The following TACC3 variants were observed in gnomAD, a reference collection of about 807,000 sequenced individuals.
The protein encoded by TACC3 is transforming acidic coiled-coil-containing protein 3.
In TACC3, 52 loss-of-function variants were observed where a neutral mutation model predicts 86.0. The ratio of observed to expected loss-of-function variants is 0.60; its 90% confidence interval spans 0.48 to 0.76. The LOEUF is 0.76. Ranked by LOEUF, TACC3 falls within the 30% of genes least tolerant of loss-of-function variation. The pLI is 0.00. For synonymous variants in TACC3, 512 were observed against 430.0 expected (o/e 1.19, Z -2.36); for missense variants, 1,120 against 1,070.4 (o/e 1.05, Z -0.65).
chr4:1,730,659 C>A, intron 4 of TACC3: 1 of 674,842 alleles, frequency 1.5e-6, no homozygotes, highest in Non-Finnish European at 2.7e-6. Context: ...CAGCCTGCTT[C>A]TCCCAGAGCT....
intron 10 of TACC3, chr4:1,738,040 C>T (rs1347465931): frequency 2.5e-6 from 1 of 396,402 alleles, no homozygotes; most frequent in Admixed American, 3.3e-5. Context: ...TCCTCCCGCC[C>T]TCCCACGAGT....
At chr4:1,736,305 C>T (rs939325733) in intron 8 of TACC3, among the ~76,000 whole-genome samples, 1 of 150,884 alleles carries the variant, frequency 6.6e-6, no homozygotes, top group Non-Finnish European at 1.5e-5. Flanking sequence ...CACCTGTAGT[C>T]TCAGCTACTT....
In TACC3 at chr4:1,727,738, AACT is replaced by A; in HGVS notation, c.340_342del (p.Thr114del). The stretch of plus-strand genomic sequence containing the variant: ...AGCTCATCAAGGAAGTGGATGCCAA[AACT>A]ACTCATGGAATTCTACAGAAACCAG... On this transcript the variant is annotated inframe_deletion, in exon 4 of 16. Coordinates refer to ENST00000313288, the MANE Select transcript of TACC3 (RefSeq NM_006342.3). 1 of 1,594,858 alleles carries A rather than the reference AACT, an allele frequency of 6.3e-7. No homozygotes were observed. The highest frequency in any genetic ancestry group is 1.7e-5 in the Admixed American group (1 of 57,404).
rs779924835 is a variant in TACC3, at chr4:1,723,709, C to T, written c.163-19C>T. 5.6e-6 allele frequency: 9 copies of T among 1,613,436 alleles called. No individual in the cohort carries two copies. The East Asian group carries it at 1.3e-4, about 24-fold the overall frequency. ...GCTTGAACTAATGAATAGGTGCTCT[C>T]CTCCTCACTCCGCAACAGGTGACTT... On this transcript the variant is annotated intron_variant, in intron 2 of 15. Coordinates refer to ENST00000313288, the MANE Select transcript of TACC3 (RefSeq NM_006342.3).
chr4:1,735,728 C>T lies in TACC3; in HGVS notation c.1645-3C>T, dbSNP rs1193342387. 6.2e-7 allele frequency: 1 copy of T among 1,611,200 alleles called. No homozygotes were observed. The highest frequency in any genetic ancestry group is 8.5e-7 in the Non-Finnish European group (1 of 1,178,086). The stretch of plus-strand genomic sequence containing the variant: ...ACCTGATCACTTGCCCTCTTGTCCC[C>T]AGTTTAAGGAGTCGGCCTTGAGGAA... On this transcript the variant is annotated splice_region_variant and splice_polypyrimidine_tract_variant and intron_variant, in intron 7 of 15. Coordinates refer to ENST00000313288, the MANE Select transcript of TACC3 (RefSeq NM_006342.3). This position sits in a 1 kb window ranked among gnomAD's most constrained non-coding sequence, Gnocchi z 4.2.
intron 3 of TACC3, among the ~76,000 whole-genome samples, chr4:1,725,223 C>G (rs1000120885): frequency 1.3e-5 from 2 of 151,888 alleles, no homozygotes; most frequent in African/African-American, 4.8e-5. Context: ...TGAGCCACCA[C>G]GCCCGGCTGG....
At chr4:1,737,766 T>A in intron 10 of TACC3, 64 bp downstream of exon 10, 1 of 1,435,552 alleles carries the variant, frequency 7.0e-7, no homozygotes. Flanking sequence ...TGGCCAACAG[T>A]GGGCAGGGGT....
Position 1,740,935 on chromosome 4 carries a change from C to A in TACC3, c.2172C>A (p.Asp724Glu), listed in dbSNP as rs148040967. ...ACTCCATGGAGAAGTCCTTCTCCGACCTCTTCAAGCGTTTTGAGAAACAGA... is the reference window on the plus strand; with the variant it reads ...ACTCCATGGAGAAGTCCTTCTCCGAACTCTTCAAGCGTTTTGAGAAACAGA... ...DLNSMEKSFS[D>E]LFKRFEKQKE... The change falls in exon 13 of 16, where the codon GAC (aspartate) becomes GAA (glutamate). Residue 724 changes from aspartate to glutamate, a missense_variant. Asp to Glu is a conservative substitution (Grantham distance 45, BLOSUM62 2). Transcript: ENST00000313288. 8.1e-6 allele frequency: 13 copies of A among 1,612,550 alleles called. No individual in the cohort carries two copies. The highest frequency in any genetic ancestry group is 1.7e-5 in the Admixed American group (1 of 59,792).
chr4:1,735,815 G>A lies in TACC3; in HGVS notation c.1729G>A (p.Val577Met), dbSNP rs141231740. 973 of 1,596,002 alleles carry A rather than the reference G, an allele frequency of 6.1e-4. 4 individuals carry two copies. Among genetic ancestry groups the A allele is most frequent in the Non-Finnish European group, 7.6e-4 (891 of 1,167,486 alleles). The stretch of plus-strand genomic sequence containing the variant: ...GGACAGTCCTGGTAGACCAGTGCCC[G>A]TGGCCACCGAGACCAGCAGGTATGT... ...LRDSPGRPVP[V>M]ATETSSMHGA... The change falls in exon 8 of 16, where the codon GTG becomes ATG. Residue 577 changes from valine (V) to methionine (M), a missense_variant. Coordinates refer to ENST00000313288, the MANE Select transcript of TACC3 (RefSeq NM_006342.3). The surrounding 1 kb of genome is among the most constrained non-coding windows in gnomAD (Gnocchi z 4.2).
intron 13 of TACC3, among the ~76,000 whole-genome samples, chr4:1,743,551 T>TAAAA (rs924737953): frequency 2.5e-4 from 3 of 11,990 alleles, no homozygotes; most frequent in African/African-American, 2.9e-4. Flanking sequence ...AGTCTCCGTC[T>TAAAA]AAAAAAAAAA....
In TACC3 at chr4:1,745,145, T is replaced by G. The variant is rs1718790021; in HGVS notation, c.*132T>G. On this transcript the variant is annotated 3_prime_UTR_variant, in exon 16 of 16. Coordinates refer to ENST00000313288, the MANE Select transcript of TACC3 (RefSeq NM_006342.3). The stretch of plus-strand genomic sequence containing the variant: ...AACTAGATTGCTTTGAAAACATGAC[T>G]CAATAAAAGTTTCCTTTCAATTTAA... 6 of 973,956 alleles carry G rather than the reference T, an allele frequency of 6.2e-6. No individual in the cohort carries two copies. In the East Asian group the frequency reaches 1.3e-4, roughly 21 times the overall value. The allele number at this position is 973,956 out of a possible 1,614,324, so 60.3% of individuals were successfully genotyped here. A position where few individuals can be genotyped will look rare whatever the true frequency, so the allele number is the denominator to read the frequency against.
At chr4:1,736,834 T>A (rs1168645609) in intron 8 of TACC3, among the ~76,000 whole-genome samples, 1 of 151,404 alleles carries the variant, frequency 6.6e-6, no homozygotes, top group African/African-American at 2.4e-5. Flanking sequence ...CGGGTGAGCC[T>A]GGGAGGCAGG....
In TACC3 at chr4:1,735,380, ACGG is replaced by A; in HGVS notation, c.1644+57_1644+59del. Reference sequence around the variant, plus strand: ...ACCCACAGGGTGTCCGAGAGCAGCCACGGCAGGTCTTGCCCCCGGAGCGTCCCT... The same window carrying A: ...ACCCACAGGGTGTCCGAGAGCAGCCACAGGTCTTGCCCCCGGAGCGTCCCT... On this transcript the variant is annotated intron_variant, in intron 7 of 15. Coordinates refer to ENST00000313288, the MANE Select transcript of TACC3 (RefSeq NM_006342.3). The surrounding 1 kb of genome is among the most constrained non-coding windows in gnomAD (Gnocchi z 4.2). 2.5e-6 allele frequency: 4 copies of A among 1,608,802 alleles called. No individual in the cohort carries two copies. The highest frequency in any genetic ancestry group is 3.4e-6 in the Non-Finnish European group (4 of 1,175,694).
At chr4:1,725,840 G>A (rs902276508) in intron 3 of TACC3, among the ~76,000 whole-genome samples, 3 of 152,254 alleles carry the variant, frequency 2.0e-5, no homozygotes, top group Admixed American at 6.5e-5. Flanking sequence ...AGCTGCCCAC[G>A]TGTCATTCAG....
chr4:1,725,119 A>G (rs1044248039), intron 3 of TACC3, among the ~76,000 whole-genome samples: 1 of 151,602 alleles, frequency 6.6e-6, no homozygotes, highest in African/African-American at 2.4e-5. Context: ...TTTAGTAAAT[A>G]TGGGGTTTAT....
At chr4:1,733,422 G>C (rs184360693) in intron 6 of TACC3, among the ~76,000 whole-genome samples, 7 of 152,242 alleles carry the variant, frequency 4.6e-5, no homozygotes, top group Non-Finnish European at 1.0e-4. Flanking sequence ...TTGCGGGGCC[G>C]AGGCAGGATT....
chr4:1,728,539 G>A lies in TACC3; in HGVS notation c.1137G>A (p.Gln379=), dbSNP rs1354387778. Residue 379 remains glutamine (Q), a synonymous_variant, in exon 4 of 16, where the codon CAG becomes CAA. Coordinates refer to ENST00000313288, the MANE Select transcript of TACC3 (RefSeq NM_006342.3). ...KAAVRQQKAP[Q]EVEEDDGRSG... ...CAGTGAGGCAGCAAAAGGCCCCGCA[G>A]GAGGTGGAGGAGGACGACGGTAGGA... The A allele has an allele frequency of 2.5e-6, 4 of 1,614,000 alleles. No homozygotes were observed. Among genetic ancestry groups the A allele is most frequent in the Non-Finnish European group, 2.5e-6 (3 of 1,179,970 alleles).
chr4:1,740,278 G>C, intron 12 of TACC3: 1 of 562,456 alleles, frequency 1.8e-6, no homozygotes, highest in Non-Finnish European at 3.2e-6. Flanking sequence ...TGGGAGCAGA[G>C]TCTGTCCCGC....
At chr4:1,729,472 G>A (rs917587725) in intron 4 of TACC3, among the ~76,000 whole-genome samples, 1 of 152,188 alleles carries the variant, frequency 6.6e-6, no homozygotes, top group Non-Finnish European at 1.5e-5. Context: ...ACAGGTTAAG[G>A]AGTGTGAGCC....
Sources: allele counts gnomAD v4.1 joint callset (sites outside exome capture counted in the v4.1 genomes callset), GRCh38; gene constraint gnomAD v4.1.1; non-coding constraint Gnocchi (gnomAD v3.1); transcripts MANE v1.5; gene names NCBI Gene and HGNC (gene_info 2026-07-23, HGNC 2026-07-21).